SMYD3: variants seen among roughly 807,000 people sequenced by gnomAD.
SMYD3 encodes SET and MYND domain containing 3.
SMYD3 carries 36 observed loss-of-function variants against 57.7 expected under a neutral mutation model. The ratio of observed to expected loss-of-function variants is 0.62; its 90% CI spans 0.48 to 0.82. The LOEUF is 0.82. Ranked by LOEUF, SMYD3 falls within the 40% of genes least tolerant of loss-of-function variation. The pLI, the probability that SMYD3 is intolerant of heterozygous loss-of-function variation, is 0.00. For missense variants in SMYD3, 515 were observed against 538.8 expected (o/e 0.96, Z 0.44); for synonymous variants, 211 against 195.0 (o/e 1.08, Z -0.68).
chr1:246,307,430 T>A (rs2065000405), intron 5 of SMYD3, among the ~76,000 whole-genome samples: 1 of 144,958 alleles, frequency 6.9e-6, no homozygotes, highest in Non-Finnish European at 1.5e-5. Context: ...TTTTTTTTTT[T>A]TTTTTTTGAG....
intron 9 of SMYD3, among the ~76,000 whole-genome samples, chr1:245,860,231 G>C (rs1021238739): frequency 6.6e-6 from 1 of 151,650 alleles, no homozygotes; most frequent in African/African-American, 2.4e-5. Context: ...GCCATCCCCT[G>C]CCCCCAATTC....
chr1:245,904,295 G>A (rs536120939), intron 8 of SMYD3, among the ~76,000 whole-genome samples: 39 of 152,206 alleles, frequency 2.6e-4, no homozygotes, highest in South Asian at 8.3e-4. Context: ...TGTAAGACAT[G>A]CCTCTTCCTC....
chr1:246,348,077 T>TATATATATATATATAC lies in SMYD3; in HGVS notation c.228+6953_228+6954insGTATATATATATATAT. On this transcript the variant is annotated intron_variant, in intron 2 of 11. Transcript: ENST00000490107. ...AGAAAACGTTATATATATATATATA[T>TATATATATATATATAC]ACACACACACCATCAAATACTATGA... Among the ~76,000 whole-genome samples the TATATATATATATATAC allele has an allele frequency of 1.3e-3, 110 of 86,424 alleles. 13 individuals carry two copies. The highest frequency in any genetic ancestry group is 1.7e-3 in the Non-Finnish European group (67 of 38,330). 56.7% of individuals were successfully genotyped at this position (86,424 alleles called of 152,430 possible). A position where few individuals can be genotyped will look rare whatever the true frequency, so the allele number is the denominator to read the frequency against.
chr1:246,127,260 A>C (rs1289955716), intron 5 of SMYD3, among the ~76,000 whole-genome samples: 1 of 152,240 alleles, frequency 6.6e-6, no homozygotes, highest in Middle Eastern at 3.4e-3. Flanking sequence ...TGCCAACCTG[A>C]GTCAACTGCA....
At chr1:246,346,215 C>T (rs1433507105) in intron 2 of SMYD3, among the ~76,000 whole-genome samples, 11 of 151,950 alleles carry the variant, frequency 7.2e-5, no homozygotes, top group Admixed American at 4.6e-4. Flanking sequence ...ATCCGGGAGG[C>T]GGAGCTTGCA....
At chr1:245,942,651 C>A (rs1321806382) in intron 5 of SMYD3, among the ~76,000 whole-genome samples, 5 of 152,186 alleles carry the variant, frequency 3.3e-5, no homozygotes, top group African/African-American at 4.8e-5. Flanking sequence ...AAATCTCTAA[C>A]CCCCCAAAAC....
At chr1:245,953,210 A>G (rs568066794) in intron 5 of SMYD3, 1 of 997,110 alleles carries the variant, frequency 1.0e-6, no homozygotes, top group Admixed American at 6.1e-5. Context: ...ATATCTGGAG[A>G]AAGAAACAAA....
chr1:245,895,965 A>C (rs113074226), intron 8 of SMYD3, among the ~76,000 whole-genome samples: 133 of 152,376 alleles, frequency 8.7e-4, no homozygotes, highest in Admixed American at 1.4e-3. Context: ...AGAAGAAACT[A>C]AGAGGAAGTA....
At chr1:246,332,885 A>G (rs1453462171) in intron 3 of SMYD3, among the ~76,000 whole-genome samples, 1 of 152,252 alleles carries the variant, frequency 6.6e-6, no homozygotes, top group Non-Finnish European at 1.5e-5. Flanking sequence ...ACAGCAAATG[A>G]TCCAGGAGAC....
chr1:245,936,850 G>A (rs1470534738), intron 5 of SMYD3, among the ~76,000 whole-genome samples: 2 of 151,710 alleles, frequency 1.3e-5, no homozygotes, highest in African/African-American at 4.8e-5. Flanking sequence ...GACTGTCCCC[G>A]CCACAAAAAA....
intron 10 of SMYD3, among the ~76,000 whole-genome samples, chr1:245,837,998 G>T (rs1272851901): frequency 6.6e-6 from 1 of 152,170 alleles, no homozygotes; most frequent in African/African-American, 2.4e-5. Context: ...GAGTATCATC[G>T]AATTAGTTGG....
chr1:246,333,710 CA>C (rs376408703), intron 3 of SMYD3, among the ~76,000 whole-genome samples: 19 of 143,792 alleles, frequency 1.3e-4, no homozygotes, highest in South Asian at 4.5e-4. Context: ...TTCGTCTTTC[CA>C]AAAAAAAAAG....
intron 5 of SMYD3, among the ~76,000 whole-genome samples, chr1:246,059,009 G>T (rs996539890): frequency 6.6e-6 from 1 of 152,030 alleles, no homozygotes; most frequent in Non-Finnish European, 1.5e-5. Flanking sequence ...CGAGTAGCTG[G>T]AACTGCAGGC....
chr1:246,182,163 A>G (rs1457433352), intron 5 of SMYD3, among the ~76,000 whole-genome samples: 2 of 152,212 alleles, frequency 1.3e-5, no homozygotes, highest in Non-Finnish European at 2.9e-5. Flanking sequence ...AATCCAGCAC[A>G]TTAAAGAGAG....
At chr1:246,239,318 A>G (rs868119747) in intron 5 of SMYD3, among the ~76,000 whole-genome samples, 28 of 152,134 alleles carry the variant, frequency 1.8e-4, no homozygotes, top group South Asian at 6.2e-4. Flanking sequence ...TCATTGTTCA[A>G]TTCCCACCTA....
chr1:246,002,970 C>T (rs1001041088), intron 5 of SMYD3, among the ~76,000 whole-genome samples: 1 of 152,162 alleles, frequency 6.6e-6, no homozygotes, highest in African/African-American at 2.4e-5. Flanking sequence ...ATGGCTCACA[C>T]GGAAACATCT....
At chr1:245,822,649 C>T (rs2049236266) in intron 10 of SMYD3, among the ~76,000 whole-genome samples, 2 of 152,124 alleles carry the variant, frequency 1.3e-5, no homozygotes, top group East Asian at 1.9e-4. Context: ...TTATGGTATC[C>T]TTTGCACGAT....
intron 1 of SMYD3, among the ~76,000 whole-genome samples, chr1:246,453,695 G>A (rs770535815): frequency 6.6e-6 from 1 of 152,078 alleles, no homozygotes; most frequent in Non-Finnish European, 1.5e-5. Context: ...GCCTTAAAAA[G>A]GCCCACCGTT....
At chr1:246,073,492 A>G (rs2788006) in intron 5 of SMYD3, among the ~76,000 whole-genome samples, 42,803 of 151,834 alleles carry the variant, frequency 0.28, 6,562 homozygotes, top group East Asian at 0.39. Context: ...CAAGGCGGGC[A>G]GATCGCTTGA....
Sources: gnomAD v4.1 joint callset for allele counts (sites outside exome capture counted in the v4.1 genomes callset) on GRCh38, gnomAD v4.1.1 for gene constraint, MANE v1.5 for transcripts, NCBI Gene and HGNC (gene_info 2026-07-23, HGNC 2026-07-21) for gene names.